The following GHR variants were observed in gnomAD, a reference collection of about 807,000 sequenced individuals.
The protein encoded by GHR is GH receptor.
In GHR, 35 loss-of-function variants were observed where a neutral mutation model predicts 67.1. That is an observed-to-expected ratio of 0.52 (90% CI 0.40 to 0.69). The LOEUF (loss-of-function observed/expected upper bound fraction) is 0.69, where lower values mean the gene tolerates loss of function less well. GHR is among the 30% of genes least tolerant of loss of function. The pLI is 0.00. For synonymous variants in GHR, 272 were observed against 269.1 expected, an observed-to-expected ratio of 1.01 and a Z score of -0.10; for missense variants, 792 against 764.6, an observed-to-expected ratio of 1.04 and a Z score of -0.42.
At chr5:42,586,824 A>G (rs940771864) in intron 2 of GHR, among the ~76,000 whole-genome samples, 3 of 152,186 alleles carry the variant, frequency 2.0e-5, no homozygotes, top group East Asian at 1.9e-4. Context: ...AAGCCAAATG[A>G]AGGTGCAGAA....
Position 42,423,500 on chromosome 5 carries a change from G to C in GHR, c.-467G>C, listed in dbSNP as rs28943874. ...CGGGAAGACTTCATCCCAGCAACTCGGAATGCTTGGCCCGGGCGGCACTCG... is the reference window on the plus strand; with the variant it reads ...CGGGAAGACTTCATCCCAGCAACTCCGAATGCTTGGCCCGGGCGGCACTCG... On this transcript the variant is annotated 5_prime_UTR_variant, in exon 1 of 10. Coordinates refer to ENST00000230882, the MANE Select transcript of GHR (RefSeq NM_000163.5). 4.6e-3 allele frequency among the ~76,000 whole-genome samples: 698 copies of C among 152,324 alleles called. 4 individuals are homozygous for C. The highest frequency in any genetic ancestry group is 0.016 in the African/African-American group (676 of 41,578).
At chr5:42,566,224 G>T (rs1749925655) in intron 2 of GHR, among the ~76,000 whole-genome samples, 1 of 152,144 alleles carries the variant, frequency 6.6e-6, no homozygotes, top group South Asian at 2.1e-4. Flanking sequence ...GACAAGCCAG[G>T]TCTCTTGTTC....
chr5:42,693,162 G>A (rs1298084261), intron 4 of GHR, among the ~76,000 whole-genome samples: 1 of 150,068 alleles, frequency 6.7e-6, no homozygotes, highest in East Asian at 2.0e-4. Context: ...TTTTGAGATG[G>A]AGTCTTGCTT....
intron 1 of GHR, among the ~76,000 whole-genome samples, chr5:42,438,801 A>T (rs1031001819): frequency 6.6e-6 from 1 of 152,164 alleles, no homozygotes; most frequent in African/African-American, 2.4e-5. Context: ...TGGAGCCTCG[A>T]GATGACTGCA....
chr5:42,683,039 A>G (rs1756965914), intron 3 of GHR, among the ~76,000 whole-genome samples: 1 of 151,724 alleles, frequency 6.6e-6, no homozygotes, highest in Non-Finnish European at 1.5e-5. Context: ...GTCTTGCTCC[A>G]TCACCAGACT....
chr5:42,664,527 A>T (rs1229045966), intron 3 of GHR, among the ~76,000 whole-genome samples: 3 of 152,332 alleles, frequency 2.0e-5, no homozygotes, highest in Admixed American at 6.5e-5. Flanking sequence ...GTGCTGGGAA[A>T]ACTGGCTAGC....
chr5:42,540,241 A>G (rs1222267058), intron 1 of GHR, among the ~76,000 whole-genome samples: 1 of 141,512 alleles, frequency 7.1e-6, no homozygotes, highest in Non-Finnish European at 1.5e-5. Flanking sequence ...TCCTCTCTTC[A>G]TCTCTCTTCT....
intron 3 of GHR, among the ~76,000 whole-genome samples, chr5:42,677,370 C>T (rs1378194634): frequency 6.6e-6 from 1 of 152,178 alleles, no homozygotes; most frequent in Admixed American, 6.5e-5. Context: ...TGTGGTAATT[C>T]TCTACCCTTA....
intron 1 of GHR, among the ~76,000 whole-genome samples, chr5:42,478,201 C>T (rs1185435671): frequency 1.6e-4 from 25 of 151,986 alleles, no homozygotes; most frequent in Admixed American, 9.2e-4. Flanking sequence ...TGTAGATATG[C>T]GGCATTATTT....
At chr5:42,688,294 A>G (rs1258267157) in intron 3 of GHR, among the ~76,000 whole-genome samples, 1 of 152,216 alleles carries the variant, frequency 6.6e-6, no homozygotes, top group Non-Finnish European at 1.5e-5. Flanking sequence ...TGCCTCGGCA[A>G]AGACCCTCAG....
At position 42,720,220 on chromosome 5, in the gene GHR, T is replaced by C. The variant is rs994179639; in HGVS notation, c.*796T>C. Reference sequence around the variant, plus strand: ...AATATAATTGTTTTATCTGAATTTTTAAACAAGTATTTGTTAATTTAGAAA... The same window carrying C: ...AATATAATTGTTTTATCTGAATTTTCAAACAAGTATTTGTTAATTTAGAAA... On this transcript the variant is annotated 3_prime_UTR_variant, in exon 10 of 10. Transcript: ENST00000230882. 1.3e-5 allele frequency: 2 copies of C among 152,240 alleles called. No homozygotes were observed. Among genetic ancestry groups the C allele is most frequent in the African/African-American group, 4.8e-5 (2 of 41,452 alleles). 9.4% of individuals were successfully genotyped at this position (152,240 alleles called of 1,614,324 possible). A position where few individuals can be genotyped will look rare whatever the true frequency, so the allele number is the denominator to read the frequency against.
intron 3 of GHR, among the ~76,000 whole-genome samples, chr5:42,644,070 A>T (rs544048961): frequency 1.1e-4 from 17 of 152,116 alleles, no homozygotes; most frequent in African/African-American, 4.1e-4. Context: ...CTACATTACA[A>T]ACTCTAATGA....
chr5:42,626,530 C>T (rs957207715), intron 2 of GHR, among the ~76,000 whole-genome samples: 7 of 152,156 alleles, frequency 4.6e-5, no homozygotes, highest in Non-Finnish European at 1.0e-4. Flanking sequence ...CGGATTAAGA[C>T]ATTGGCCACT....
At chr5:42,522,710 A>T (rs560429947) in intron 1 of GHR, among the ~76,000 whole-genome samples, 4 of 152,182 alleles carry the variant, frequency 2.6e-5, no homozygotes, top group Non-Finnish European at 4.4e-5. Context: ...TGTTTGAGCA[A>T]CTTTTCTTAC....
chr5:42,711,808 T>C (rs534897542), intron 7 of GHR, among the ~76,000 whole-genome samples: 1 of 152,192 alleles, frequency 6.6e-6, no homozygotes, highest in East Asian at 1.9e-4. Flanking sequence ...GGAAACCCAA[T>C]ATTGAGTCAG....
chr5:42,565,261 G>A (rs1344145980), intron 1 of GHR, among the ~76,000 whole-genome samples: 1 of 152,124 alleles, frequency 6.6e-6, no homozygotes, highest in African/African-American at 2.4e-5. Flanking sequence ...GACACACTGT[G>A]TCCTTGTGGG....
chr5:42,633,279 C>G (rs1003519199), intron 3 of GHR, among the ~76,000 whole-genome samples: 7 of 152,040 alleles, frequency 4.6e-5, no homozygotes, highest in African/African-American at 1.7e-4. Context: ...CTTATTGGAG[C>G]ATAAATTAGT....
At chr5:42,601,868 G>GTAAACTTA (rs1752392227) in intron 2 of GHR, among the ~76,000 whole-genome samples, 1 of 151,870 alleles carries the variant, frequency 6.6e-6, no homozygotes, top group Non-Finnish European at 1.5e-5. Context: ...TGTATCAAGG[G>GTAAACTTA]TTGTTTATTA....
chr5:42,549,993 G>A (rs1748932476), intron 1 of GHR: 1 of 368,456 alleles, frequency 2.7e-6, no homozygotes, highest in Non-Finnish European at 3.8e-6. Context: ...GGGTGGGCAA[G>A]CGACCAGCCA....
Sources: gnomAD v4.1 joint callset for allele counts (sites outside exome capture counted in the v4.1 genomes callset) on GRCh38, gnomAD v4.1.1 for gene constraint, MANE v1.5 for transcripts, NCBI Gene and HGNC (gene_info 2026-07-23, HGNC 2026-07-21) for gene names.